Variants in PIP4K2A observed in about 807,000 individuals in gnomAD.
PIP4K2A encodes the protein phosphatidylinositol 5-phosphate 4-kinase type-2 alpha.
In PIP4K2A, 14 loss-of-function variants were observed where a neutral mutation model predicts 42.9. That is an observed-to-expected ratio of 0.33 (90% CI 0.22 to 0.51). PIP4K2A has a LOEUF of 0.51. PIP4K2A is among the 20% of genes least tolerant of loss of function. The pLI, the probability that PIP4K2A is intolerant of heterozygous loss-of-function variation, is 0.97. For missense variants in PIP4K2A, 434 were observed against 519.8 expected (o/e 0.83, Z 1.61); for synonymous variants, 192 against 192.2 (o/e 1.00, Z 0.01).
chr10:22,618,931 A>G (rs1235521595), intron 1 of PIP4K2A, among the ~76,000 whole-genome samples: 1 of 152,240 alleles, frequency 6.6e-6, no homozygotes, highest in African/African-American at 2.4e-5. Flanking sequence ...ACCAGAACAT[A>G]CTTAGAACAA....
chr10:22,594,509 C>T (rs1237104526), intron 3 of PIP4K2A, among the ~76,000 whole-genome samples: 1 of 152,190 alleles, frequency 6.6e-6, no homozygotes, highest in East Asian at 1.9e-4. Context: ...GATTCTCGTG[C>T]CTCTGCCTCC....
At chr10:22,669,855 A>G (rs1351061936) in intron 1 of PIP4K2A, among the ~76,000 whole-genome samples, 1 of 152,198 alleles carries the variant, frequency 6.6e-6, no homozygotes, top group Non-Finnish European at 1.5e-5. Context: ...TCTCAGTGAA[A>G]ATGAATGACT....
chr10:22,614,116 G>A (rs574912177), intron 1 of PIP4K2A, among the ~76,000 whole-genome samples: 1 of 152,340 alleles, frequency 6.6e-6, no homozygotes, highest in Non-Finnish European at 1.5e-5. Context: ...GGGACGGAGA[G>A]TTCTGACTAC....
intron 1 of PIP4K2A, among the ~76,000 whole-genome samples, chr10:22,704,112 C>T (rs1833764835): frequency 6.6e-6 from 1 of 152,060 alleles, no homozygotes; most frequent in Non-Finnish European, 1.5e-5. Flanking sequence ...AAAAATTTCT[C>T]AATCATGACT....
intron 6 of PIP4K2A, among the ~76,000 whole-genome samples, chr10:22,563,156 C>G (rs1431547990): frequency 6.6e-6 from 1 of 152,158 alleles, no homozygotes; most frequent in Non-Finnish European, 1.5e-5. Context: ...ATTTCCTTTT[C>G]CCCTTCCCAA....
At chr10:22,599,935 T>A (rs946985727) in intron 3 of PIP4K2A, among the ~76,000 whole-genome samples, 3 of 152,224 alleles carry the variant, frequency 2.0e-5, no homozygotes, top group Non-Finnish European at 4.4e-5. Flanking sequence ...GGATTAACGA[T>A]GCTGTCCTTT....
chr10:22,606,144 CCAA>C lies in PIP4K2A; in HGVS notation c.339+1780_339+1782del, dbSNP rs1186540851. On this transcript the variant is annotated intron_variant, in intron 3 of 9. Coordinates refer to ENST00000376573, the MANE Select transcript of PIP4K2A (RefSeq NM_005028.5). ...TAACATAGTGAGACCCCAATCTCTA[CCAA>C]AAAAAAAAAAAAAATTAGCTGGGCA... Among the ~76,000 whole-genome samples the C allele has an allele frequency of 6.1e-5, 8 of 130,604 alleles. 1 individual carries two copies. The East Asian group carries it at 1.5e-3, about 25-fold the overall frequency. The allele number at this position is 130,604 out of a possible 152,430, so 85.7% of individuals were successfully genotyped here. A position where few individuals can be genotyped will look rare whatever the true frequency, so the allele number is the denominator to read the frequency against.
chr10:22,605,596 T>C (rs1197570919), intron 3 of PIP4K2A, among the ~76,000 whole-genome samples: 9 of 152,210 alleles, frequency 5.9e-5, no homozygotes, highest in African/African-American at 1.4e-4. Context: ...TTTGACAGAA[T>C]TGATTATGAC....
At chr10:22,587,875 G>A (rs541276052) in intron 4 of PIP4K2A, among the ~76,000 whole-genome samples, 2 of 152,196 alleles carry the variant, frequency 1.3e-5, no homozygotes, top group Non-Finnish European at 2.9e-5. Context: ...TGTTTGACTC[G>A]GCGGACTGCA....
chr10:22,554,555 G>GA (rs1212953350), intron 6 of PIP4K2A, among the ~76,000 whole-genome samples: 1 of 152,230 alleles, frequency 6.6e-6, no homozygotes, highest in African/African-American at 2.4e-5. Context: ...GAGGGTGGAA[G>GA]AAACCCCCAG....
chr10:22,693,655 C>T (rs951753211), intron 1 of PIP4K2A, among the ~76,000 whole-genome samples: 3 of 152,180 alleles, frequency 2.0e-5, no homozygotes, highest in Non-Finnish European at 4.4e-5. Flanking sequence ...TAGTTCCCAT[C>T]TGGGGAGCTT....
intron 1 of PIP4K2A, among the ~76,000 whole-genome samples, chr10:22,623,489 A>C (rs1838374796): frequency 6.6e-6 from 1 of 152,154 alleles, no homozygotes; most frequent in South Asian, 2.1e-4. Context: ...ACATTATACT[A>C]AAAGGCTGCC....
chr10:22,597,753 G>C (rs1388238285), intron 3 of PIP4K2A, among the ~76,000 whole-genome samples: 1 of 151,606 alleles, frequency 6.6e-6, no homozygotes, highest in Non-Finnish European at 1.5e-5. Context: ...ACACCATTTA[G>C]AAAAATTCTT....
chr10:22,616,650 T>A (rs1838183167), intron 1 of PIP4K2A, among the ~76,000 whole-genome samples: 1 of 152,182 alleles, frequency 6.6e-6, no homozygotes. Context: ...GCCTGAAATT[T>A]AAGTCTTCAT....
At chr10:22,640,014 C>CTTTT (rs71395806) in intron 1 of PIP4K2A, among the ~76,000 whole-genome samples, 5 of 92,354 alleles carry the variant, frequency 5.4e-5, no homozygotes, top group Non-Finnish European at 8.1e-5. Flanking sequence ...GATGTGTTGT[C>CTTTT]TTTTTTTTTT....
chr10:22,699,949 TTAGAAACACAAA>T lies in PIP4K2A; in HGVS notation c.144+14222_144+14233del, dbSNP rs1479910574. On this transcript the variant is annotated intron_variant, in intron 1 of 9. Transcript: ENST00000376573. ...ATTTCTAATAGATATATAATGGACT[TTAGAAACACAAA>T]GGTGAGGATCATTTGATGGAAGGAA... 3.9e-5 allele frequency among the ~76,000 whole-genome samples: 6 copies of T among 152,216 alleles called. No homozygotes were observed. In the East Asian group the frequency reaches 1.2e-3, roughly 29 times the overall value.
chr10:22,682,516 T>C (rs1839683398), intron 1 of PIP4K2A, among the ~76,000 whole-genome samples: 1 of 152,108 alleles, frequency 6.6e-6, no homozygotes, highest in African/African-American at 2.4e-5. Flanking sequence ...TATTGGACAG[T>C]AACAGTGTCC....
intron 1 of PIP4K2A, among the ~76,000 whole-genome samples, chr10:22,639,621 A>G (rs1317057379): frequency 2.6e-5 from 4 of 152,112 alleles, no homozygotes; most frequent in South Asian, 2.1e-4. Flanking sequence ...ATTAGAGTAC[A>G]TTTTTTTCAC....
intron 3 of PIP4K2A, among the ~76,000 whole-genome samples, chr10:22,594,577 A>G (rs1969906): frequency 0.91 from 138,544 of 152,172 alleles, 63,244 homozygotes; most frequent in African/African-American, 0.97. Flanking sequence ...TTTATTTTTA[A>G]TAGAGACAGG....
Sources: allele counts gnomAD v4.1 joint callset (sites outside exome capture counted in the v4.1 genomes callset), GRCh38; gene constraint gnomAD v4.1.1; transcripts MANE v1.5; gene names NCBI Gene and HGNC (gene_info 2026-07-23, HGNC 2026-07-21).